ARHGAP12: variants seen among roughly 807,000 people sequenced by gnomAD.
The protein encoded by ARHGAP12 is Rho GTPase activating protein 12.
ARHGAP12 carries 64 observed loss-of-function variants against 108.6 expected under a neutral mutation model. The observed-to-expected ratio is 0.59, with a 90% CI of 0.48 to 0.73. The LOEUF (loss-of-function observed/expected upper bound fraction) is 0.73, where lower values mean the gene tolerates loss of function less well. Ranked by LOEUF, ARHGAP12 falls within the 30% of genes least tolerant of loss-of-function variation. ARHGAP12 has a pLI of 0.00. For synonymous variants in ARHGAP12, 312 were observed against 337.2 expected, an observed-to-expected ratio of 0.93 and a Z score of 0.82; for missense variants, 940 against 1,005.9, an observed-to-expected ratio of 0.93 and a Z score of 0.89.
intron 6 of ARHGAP12, among the ~76,000 whole-genome samples, chr10:31,844,794 T>C (rs1836391334): frequency 6.6e-6 from 1 of 151,596 alleles, no homozygotes; most frequent in Non-Finnish European, 1.5e-5. Flanking sequence ...CTATTCCAAC[T>C]TAATTACCAT....
intron 3 of ARHGAP12, among the ~76,000 whole-genome samples, chr10:31,883,317 C>T (rs534755775): frequency 5.4e-4 from 82 of 152,212 alleles, no homozygotes; most frequent in Non-Finnish European, 9.6e-4. Context: ...AATACCTACT[C>T]TTTTAAGACT....
intron 3 of ARHGAP12, among the ~76,000 whole-genome samples, chr10:31,891,374 A>G (rs923224801): frequency 6.6e-6 from 1 of 152,178 alleles, no homozygotes; most frequent in Non-Finnish European, 1.5e-5. Context: ...TTCTGGGTTG[A>G]AAATTATTTT....
At position 31,854,121 on chromosome 10, in the gene ARHGAP12, T is replaced by C; in HGVS notation, c.1034A>G (p.Glu345Gly). 1 of 1,613,990 alleles carries C rather than the reference T, an allele frequency of 6.2e-7. No homozygotes were observed. The highest frequency in any genetic ancestry group is 8.5e-7 in the Non-Finnish European group (1 of 1,179,940). Reference sequence around the variant, plus strand: ...GGTATGCCCACGTTCATCCAACTCTTCTGACCAACCCCTTGGAGGAGAACC... The same window carrying C: ...GGTATGCCCACGTTCATCCAACTCTCCTGACCAACCCCTTGGAGGAGAACC... ...QCGSPPRGWS[E>G]ELDERGHTLY... is the part of the protein sequence containing the mutation. Residue 345 changes from glutamate to glycine, a missense_variant, in exon 5 of 20, where the codon GAA (glutamate) becomes GGA (glycine). Glu to Gly is a moderately conservative substitution (Grantham distance 98, BLOSUM62 -2). Coordinates refer to ENST00000344936, the MANE Select transcript of ARHGAP12 (RefSeq NM_018287.7).
chr10:31,841,650 T>A (rs926240365), intron 7 of ARHGAP12, among the ~76,000 whole-genome samples: 1 of 152,192 alleles, frequency 6.6e-6, no homozygotes, highest in Non-Finnish European at 1.5e-5. Flanking sequence ...ACATTTAAGG[T>A]AGGCTAGGCT....
At chr10:31,837,801 T>C (rs1836084990) in intron 9 of ARHGAP12, among the ~76,000 whole-genome samples, 1 of 152,206 alleles carries the variant, frequency 6.6e-6, no homozygotes, top group South Asian at 2.1e-4. Flanking sequence ...TGTATCATAA[T>C]TTCATAAACT....
intron 9 of ARHGAP12, 86 bp downstream of exon 9, chr10:31,839,219 C>G: frequency 7.3e-7 from 1 of 1,364,328 alleles, no homozygotes; most frequent in Non-Finnish European, 1.0e-6. Flanking sequence ...TTCCAATATT[C>G]ATCTGGCACA....
chr10:31,926,121 T>C (rs1348346934), intron 1 of ARHGAP12, among the ~76,000 whole-genome samples: 1 of 152,198 alleles, frequency 6.6e-6, no homozygotes, highest in Admixed American at 6.6e-5. Context: ...AGGTGATTCC[T>C]ATGCACGTTA....
intron 3 of ARHGAP12, among the ~76,000 whole-genome samples, chr10:31,872,544 G>A (rs1837580067): frequency 6.6e-6 from 1 of 152,012 alleles, no homozygotes; most frequent in Admixed American, 6.6e-5. Context: ...AATATATCTT[G>A]AATTTCTTCC....
chr10:31,835,755 T>C (rs1015419863), intron 9 of ARHGAP12, among the ~76,000 whole-genome samples: 1 of 152,186 alleles, frequency 6.6e-6, no homozygotes, highest in East Asian at 1.9e-4. Context: ...ACCTATAGCA[T>C]TGAAAAAACA....
intron 6 of ARHGAP12, among the ~76,000 whole-genome samples, chr10:31,846,899 A>AT (rs377177944): frequency 0.27 from 22,915 of 84,584 alleles, 2,327 homozygotes; most frequent in East Asian, 0.35. Flanking sequence ...GGCACTGTTC[A>AT]TTTTTTTTTT....
chr10:31,873,502 C>G (rs1312736280), intron 3 of ARHGAP12, among the ~76,000 whole-genome samples: 1 of 152,160 alleles, frequency 6.6e-6, no homozygotes, highest in African/African-American at 2.4e-5. Context: ...TCAATAACCA[C>G]CCATGGCCAG....
rs150492446 is a variant in ARHGAP12 at position 31,919,983 on chromosome 10, G to A, written c.-111+8700C>T. Among the ~76,000 whole-genome samples, 1,383 of 151,146 alleles carry A rather than the reference G, an allele frequency of 9.2e-3. 10 individuals carry two copies. Among genetic ancestry groups the A allele is most frequent in the Non-Finnish European group, 0.014 (939 of 67,806 alleles). ...ATACAAAAATTAGCTGGCCATGGTG[G>A]CATGCCTGTAATCCCAGCTACTCAA... On this transcript the variant is annotated intron_variant, in intron 1 of 19. Coordinates refer to ENST00000344936, the MANE Select transcript of ARHGAP12 (RefSeq NM_018287.7).
At chr10:31,896,766 C>A (rs1018140121) in intron 3 of ARHGAP12, among the ~76,000 whole-genome samples, 2 of 152,142 alleles carry the variant, frequency 1.3e-5, no homozygotes, top group African/African-American at 2.4e-5. Flanking sequence ...TTAGCTCAGA[C>A]ATGTAACAAG....
At position 31,805,775 on chromosome 10, in the gene ARHGAP12, A is replaced by C. The variant is rs1434071516; in HGVS notation, c.*1883T>G. 1 of 152,040 alleles carries C rather than the reference A, an allele frequency of 6.6e-6. No homozygotes were observed. The highest frequency in any genetic ancestry group is 6.6e-5 in the Admixed American group (1 of 15,266). 9.4% of individuals were successfully genotyped at this position (152,040 alleles called of 1,614,324 possible). The stretch of plus-strand genomic sequence containing the variant: ...CAAGAACATCACTGATTTGAGTCTA[A>C]TTGTTTTCCTGGTATACAATCACTA... On this transcript the variant is annotated 3_prime_UTR_variant, in exon 20 of 20. Coordinates refer to ENST00000344936, the MANE Select transcript of ARHGAP12 (RefSeq NM_018287.7).
At position 31,843,451 on chromosome 10, in the gene ARHGAP12, A is replaced by G. The variant is rs763481252; in HGVS notation, c.1296+10T>C. On this transcript the variant is annotated intron_variant, in intron 7 of 19. Coordinates refer to ENST00000344936, the MANE Select transcript of ARHGAP12 (RefSeq NM_018287.7). ...TGCAAAGAACTTGCCAAAAATCTCA[A>G]CAGTCCTACCTTATCATTAGTGTCC... is the stretch of plus-strand genomic sequence containing the variant. 1.8e-5 allele frequency: 29 copies of G among 1,606,806 alleles called. No individual in the cohort carries two copies. Among genetic ancestry groups the G allele is most frequent in the Non-Finnish European group, 2.3e-5 (27 of 1,178,026 alleles).
intron 6 of ARHGAP12, among the ~76,000 whole-genome samples, chr10:31,848,095 T>C (rs1202201132): frequency 1.3e-5 from 2 of 152,178 alleles, no homozygotes; most frequent in African/African-American, 4.8e-5. Context: ...GAGCAAGCCC[T>C]GACTACAAGC....
chr10:31,915,051 C>T (rs1056776507), intron 1 of ARHGAP12, among the ~76,000 whole-genome samples: 5 of 152,170 alleles, frequency 3.3e-5, no homozygotes, highest in Admixed American at 3.3e-4. Flanking sequence ...AGACAAACAC[C>T]ACATGGTCTC....
At chr10:31,887,065 G>A (rs527338967) in intron 3 of ARHGAP12, among the ~76,000 whole-genome samples, 1 of 152,306 alleles carries the variant, frequency 6.6e-6, no homozygotes, top group East Asian at 1.9e-4. Context: ...GGGAGACAGA[G>A]GCAGAAAGAG....
At chr10:31,894,870 A>C (rs1437043291) in intron 3 of ARHGAP12, among the ~76,000 whole-genome samples, 1 of 152,214 alleles carries the variant, frequency 6.6e-6, no homozygotes, top group Non-Finnish European at 1.5e-5. Context: ...TACAGTAACC[A>C]AAACAGCATG....
Sources: allele counts gnomAD v4.1 joint callset (sites outside exome capture counted in the v4.1 genomes callset), GRCh38; gene constraint gnomAD v4.1.1; transcripts MANE v1.5; gene names NCBI Gene and HGNC (gene_info 2026-07-23, HGNC 2026-07-21).